The following CYRIA variants were observed in gnomAD, a reference collection of about 807,000 sequenced individuals.
CYRIA encodes CYFIP related Rac1 interactor A.
Under a neutral mutation model 43.9 loss-of-function variants are expected in CYRIA, and 15 were observed. That is an observed-to-expected ratio of 0.34 (90% CI 0.23 to 0.53). The LOEUF (loss-of-function observed/expected upper bound fraction) is 0.53, where lower values mean the gene tolerates loss of function less well. Ranked by LOEUF, CYRIA falls within the 20% of genes least tolerant of loss-of-function variation. CYRIA has a pLI of 0.94. For synonymous variants in CYRIA, 117 were observed against 136.0 expected, an observed-to-expected ratio of 0.86 and a Z score of 0.97; for missense variants, 236 against 394.2, an observed-to-expected ratio of 0.60 and a Z score of 3.40.
Position 16,639,939 on chromosome 2 carries a change from A to G in CYRIA, c.-166-15920T>C, listed in dbSNP as rs143101882. Among the ~76,000 whole-genome samples, 23 of 152,346 alleles carry G rather than the reference A, an allele frequency of 1.5e-4. No homozygotes were observed. The East Asian group carries it at 2.7e-3, about 18-fold the overall frequency. Reference sequence around the variant, plus strand: ...ATATTTTGGACCACTCTTTTCCACCATAAGGGCTTCCCTTTAAGAGCTTTT... The same window carrying G: ...ATATTTTGGACCACTCTTTTCCACCGTAAGGGCTTCCCTTTAAGAGCTTTT... On this transcript the variant is annotated intron_variant, in intron 1 of 11. Coordinates refer to ENST00000381323, the MANE Select transcript of CYRIA (RefSeq NM_030797.4).
chr2:16,617,196 G>A (rs571979040), intron 2 of CYRIA, among the ~76,000 whole-genome samples: 56 of 152,312 alleles, frequency 3.7e-4, no homozygotes, highest in African/African-American at 1.3e-3. Flanking sequence ...GCTGAGGTAA[G>A]AGAAATGAGG....
intron 2 of CYRIA, among the ~76,000 whole-genome samples, chr2:16,616,666 G>T (rs188222819): frequency 2.6e-5 from 4 of 152,250 alleles, no homozygotes; most frequent in African/African-American, 4.8e-5. Flanking sequence ...GTCAGCAAGT[G>T]TTTGAACCTA....
rs146832660 is a variant in CYRIA, at chr2:16,553,888, T to C, written c.909-889A>G. 2.0e-3 allele frequency among the ~76,000 whole-genome samples: 297 copies of C among 151,218 alleles called. 2 individuals carry two copies. The highest frequency in any genetic ancestry group is 7.1e-3 in the African/African-American group (290 of 40,614). ...CAGAAGTTAAAGCCTTATTCATGTGTATAGAAAGTCATCCTGGGTGTGAAA... is the reference window on the plus strand; with the variant it reads ...CAGAAGTTAAAGCCTTATTCATGTGCATAGAAAGTCATCCTGGGTGTGAAA... On this transcript the variant is annotated intron_variant, in intron 11 of 11. Transcript: ENST00000381323.
chr2:16,585,551 C>T (rs1433037324), intron 3 of CYRIA, among the ~76,000 whole-genome samples: 1 of 152,158 alleles, frequency 6.6e-6, no homozygotes, highest in Admixed American at 6.5e-5. Context: ...TCCTTAAATA[C>T]TATAGCTCTA....
chr2:16,589,785 C>T (rs1667856621), intron 2 of CYRIA, among the ~76,000 whole-genome samples: 1 of 151,744 alleles, frequency 6.6e-6, no homozygotes, highest in Non-Finnish European at 1.5e-5. Flanking sequence ...TAGGATTAGC[C>T]TATGAAAGAT....
chr2:16,551,562 T>A lies in CYRIA; in HGVS notation c.*1374A>T, dbSNP rs1003776340. On this transcript the variant is annotated 3_prime_UTR_variant, in exon 12 of 12. Coordinates refer to ENST00000381323, the MANE Select transcript of CYRIA (RefSeq NM_030797.4). ...CACATCCTCTGGGTTTCATTTTTCC[T>A]TAGGAGGTCAGAATCAGAGATTTTC... The A allele has an allele frequency of 2.0e-4, 30 of 152,134 alleles. No homozygotes were observed. Among genetic ancestry groups the A allele is most frequent in the African/African-American group, 7.2e-4 (30 of 41,434 alleles). 9.4% of individuals were successfully genotyped at this position (152,134 alleles called of 1,614,324 possible).
chr2:16,618,598 A>C (rs1337514688), intron 2 of CYRIA, among the ~76,000 whole-genome samples: 1 of 152,028 alleles, frequency 6.6e-6, no homozygotes, highest in East Asian at 1.9e-4. Flanking sequence ...TCTCCAAAAG[A>C]CTCCATCAGA....
intron 2 of CYRIA, among the ~76,000 whole-genome samples, chr2:16,593,540 T>A (rs925053804): frequency 6.6e-6 from 1 of 152,096 alleles, no homozygotes; most frequent in Non-Finnish European, 1.5e-5. Context: ...AAGTTTGTGA[T>A]AGAGGCCTCA....
intron 1 of CYRIA, among the ~76,000 whole-genome samples, chr2:16,664,527 G>A (rs1410838598): frequency 2.0e-5 from 3 of 152,156 alleles, no homozygotes; most frequent in Non-Finnish European, 4.4e-5. Flanking sequence ...TGCAAAGCAA[G>A]CCCTCGAACC....
chr2:16,585,709 T>C (rs1558414366), intron 3 of CYRIA, among the ~76,000 whole-genome samples: 1 of 152,062 alleles, frequency 6.6e-6, no homozygotes. Flanking sequence ...ATGACCTTTC[T>C]TTACATAAAA....
At chr2:16,663,453 G>C (rs556769181) in intron 1 of CYRIA, among the ~76,000 whole-genome samples, 4 of 152,114 alleles carry the variant, frequency 2.6e-5, no homozygotes, top group African/African-American at 7.2e-5. Flanking sequence ...GAAAAGAAGA[G>C]CGTGTACTGA....
At chr2:16,634,507 C>G (rs905208959) in intron 1 of CYRIA, among the ~76,000 whole-genome samples, 2 of 152,214 alleles carry the variant, frequency 1.3e-5, no homozygotes, top group African/African-American at 2.4e-5. Flanking sequence ...CATGACTTTT[C>G]TAATTCCTTC....
intron 2 of CYRIA, among the ~76,000 whole-genome samples, chr2:16,612,113 G>T (rs1390028701): frequency 6.6e-6 from 1 of 152,144 alleles, no homozygotes; most frequent in African/African-American, 2.4e-5. Context: ...AGACCCCCTG[G>T]ATGGGAACTG....
At chr2:16,582,723 A>G (rs754449784) in intron 3 of CYRIA, among the ~76,000 whole-genome samples, 9 of 152,188 alleles carry the variant, frequency 5.9e-5, no homozygotes, top group Non-Finnish European at 1.0e-4. Context: ...ATAATATTGC[A>G]TTGAATTGAT....
intron 1 of CYRIA, among the ~76,000 whole-genome samples, chr2:16,638,470 G>A (rs1669569831): frequency 6.6e-6 from 1 of 152,116 alleles, no homozygotes; most frequent in Non-Finnish European, 1.5e-5. Context: ...GCACCACTAA[G>A]GGATGCTGTG....
Position 16,588,138 on chromosome 2 carries a change from G to T in CYRIA, c.-10-9C>A. The T allele has an allele frequency of 6.3e-7, 1 of 1,588,628 alleles. No individual in the cohort carries two copies. Among genetic ancestry groups the T allele is most frequent in the Non-Finnish European group, 8.6e-7 (1 of 1,164,760 alleles). ...TTCCCATCCCAGCAAACCTAGGAAA[G>T]GCAACACAAAACCAAATACCATTAG... is the stretch of plus-strand genomic sequence containing the variant. On this transcript the variant is annotated splice_polypyrimidine_tract_variant and intron_variant, in intron 2 of 11. Transcript: ENST00000381323.
chr2:16,581,691 G>A (rs7425139), intron 3 of CYRIA, among the ~76,000 whole-genome samples: 5 of 152,006 alleles, frequency 3.3e-5, no homozygotes, highest in African/African-American at 1.2e-4. Context: ...CTCTATCACC[G>A]AGGAATTCCA....
chr2:16,656,085 GA>G (rs1311751452), intron 1 of CYRIA, among the ~76,000 whole-genome samples: 29 of 152,204 alleles, frequency 1.9e-4, no homozygotes, highest in African/African-American at 6.8e-4. Flanking sequence ...GCCTTGTCCA[GA>G]GAGTGCCTGG....
In CYRIA at chr2:16,550,304, C is replaced by CA. The variant is rs35003671; in HGVS notation, c.*2631dup. The CA allele has an allele frequency of 0.34, 49,389 of 144,116 alleles. 8,780 individuals carry two copies. Among genetic ancestry groups the CA allele is most frequent in the East Asian group, 0.64 (3,171 of 4,922 alleles). 8.9% of individuals were successfully genotyped at this position (144,116 alleles called of 1,614,324 possible). A position where few individuals can be genotyped will look rare whatever the true frequency, so the allele number is the denominator to read the frequency against. Reference sequence around the variant, plus strand: ...CACACACAAAAACCAAAAACAAAGCCAAAAAAAAAAAAATCCCAAACACAA... The same window carrying CA: ...CACACACAAAAACCAAAAACAAAGCCAAAAAAAAAAAAAATCCCAAACACAA... On this transcript the variant is annotated 3_prime_UTR_variant, in exon 12 of 12. Coordinates refer to ENST00000381323, the MANE Select transcript of CYRIA (RefSeq NM_030797.4).
Sources: gnomAD v4.1 joint callset for allele counts (sites outside exome capture counted in the v4.1 genomes callset) on GRCh38, gnomAD v4.1.1 for gene constraint, MANE v1.5 for transcripts, NCBI Gene and HGNC (gene_info 2026-07-23, HGNC 2026-07-21) for gene names.